POLDIP2: variants seen among roughly 807,000 people sequenced by gnomAD.
POLDIP2 encodes the protein polymerase delta-interacting protein 2.
A neutral mutation model predicts 52.9 loss-of-function variants in POLDIP2; 32 were observed. The ratio of observed to expected loss-of-function variants is 0.61; its 90% CI spans 0.46 to 0.81. POLDIP2 has a LOEUF of 0.81. Ranked by LOEUF, POLDIP2 falls within the 40% of genes least tolerant of loss-of-function variation. The pLI, the probability that POLDIP2 is intolerant of heterozygous loss-of-function variation, is 0.00. For synonymous variants in POLDIP2, 183 were observed against 183.0 expected (o/e 1.00, Z 0.00); for missense variants, 371 against 477.3 (o/e 0.78, Z 2.07).
chr17:28,357,495 C>G lies in POLDIP2; in HGVS notation c.-47G>C. On this transcript the variant is annotated 5_prime_UTR_variant, in exon 1 of 11. Transcript: ENST00000540200. The stretch of plus-strand genomic sequence containing the variant: ...GGCTGCTGACACAGAGCCCGACCCG[C>G]GGCCGGGCGGCGTTCCGCCCCAGTC... The G allele has an allele frequency of 7.0e-7, 1 of 1,432,210 alleles. No individual in the cohort carries two copies. The highest frequency in any genetic ancestry group is 1.5e-5 in the South Asian group (1 of 66,796). 88.7% of individuals were successfully genotyped at this position (1,432,210 alleles called of 1,614,324 possible). A position where few individuals can be genotyped will look rare whatever the true frequency, so the allele number is the denominator to read the frequency against.
rs1907755711 is a variant in POLDIP2, at chr17:28,350,521, C to T, written c.829G>A (p.Val277Ile). The change falls in exon 9 of 11, where the codon GTA becomes ATA. Residue 277 changes from valine (V) to isoleucine (I), a missense_variant. Physicochemically the swap from Val to Ile is conservative, Grantham distance 29. Coordinates refer to ENST00000540200, the MANE Select transcript of POLDIP2 (RefSeq NM_015584.5). ...CTCCAGTGCCGCTCCCGGAGCTGTA[C>T]CACATCACTGTCAAGGTTCTCCAAA... ...IRLENLDSDV[V>I]QLRERHWRIF... The T allele has an allele frequency of 6.2e-7, 1 of 1,613,680 alleles. No homozygotes were observed. The highest frequency in any genetic ancestry group is 8.5e-7 in the Non-Finnish European group (1 of 1,179,674).
At position 28,351,688 on chromosome 17, in the gene POLDIP2, G is replaced by A; in HGVS notation, c.735C>T (p.Val245=). Residue 245 remains valine, a synonymous_variant, in exon 7 of 11, where the codon GTC becomes GTT. Coordinates refer to ENST00000540200, the MANE Select transcript of POLDIP2 (RefSeq NM_015584.5). ...RETTENIRVT[V]IPFYMGMREA... is the part of the protein sequence containing the mutation. ...CCCTCATGCCCATGTAGAAGGGGAT[G>A]ACAGTGACACGTATGTTCTCAGTTG... 6.2e-7 allele frequency: 1 copy of A among 1,613,872 alleles called. No homozygotes were observed. Among genetic ancestry groups the A allele is most frequent in the Non-Finnish European group, 8.5e-7 (1 of 1,179,786 alleles).
chr17:28,347,938 T>G lies in POLDIP2; in HGVS notation c.*179A>C. 3 of 592,210 alleles carry G rather than the reference T, an allele frequency of 5.1e-6. No homozygotes were observed. 36.7% of individuals were successfully genotyped at this position (592,210 alleles called of 1,614,324 possible). On this transcript the variant is annotated 3_prime_UTR_variant, in exon 11 of 11. Transcript: ENST00000540200. ...CTTATGAGGAGGCCAGCCTTGGAGG[T>G]GTCCCACATGGGTCTTCTGAAGAAA...
chr17:28,352,827 C>T, intron 6 of POLDIP2, 85 bp downstream of exon 6: 3 of 820,468 alleles, frequency 3.7e-6, no homozygotes, highest in Non-Finnish European at 4.0e-6. Context: ...GCGTGAGCCA[C>T]CGTGCCCGGC....
intron 7 of POLDIP2, 33 bp downstream of exon 7, chr17:28,351,631 C>T (rs781968622): frequency 2.1e-5 from 33 of 1,609,358 alleles, no homozygotes; most frequent in Non-Finnish European, 2.6e-5. Flanking sequence ...TGGGGCCTAC[C>T]CCTGCTAGAA....
In POLDIP2 at chr17:28,357,301, G is replaced by A; in HGVS notation, c.148C>T (p.His50Tyr). 1 of 1,578,188 alleles carries A rather than the reference G, an allele frequency of 6.3e-7. No homozygotes were observed. Among genetic ancestry groups the A allele is most frequent in the South Asian group, 1.1e-5 (1 of 89,260 alleles). Reference sequence around the variant, plus strand: ...TCCGTCCCTCACCGGGACGAGAGGTGCCTCCGCGTCGTCGTGGTCGACGCT... The same window carrying A: ...TCCGTCCCTCACCGGGACGAGAGGTACCTCCGCGTCGTCGTGGTCGACGCT... Reference protein sequence around the residue: ...SPASTTTTRRHLSSRNRPEGK... With the variant: ...SPASTTTTRRYLSSRNRPEGK... The change falls in exon 1 of 11, where the codon CAC becomes TAC. Residue 50 changes from histidine to tyrosine, a missense_variant. Coordinates refer to ENST00000540200, the MANE Select transcript of POLDIP2 (RefSeq NM_015584.5).
At chr17:28,351,912 T>C in intron 6 of POLDIP2, 112 bp from the exon 7 acceptor site, 3 of 994,070 alleles carry the variant, frequency 3.0e-6, no homozygotes, top group Non-Finnish European at 4.7e-6. Flanking sequence ...CCCTCCCTAG[T>C]GGTGGCCCAG....
At position 28,354,515 on chromosome 17, in the gene POLDIP2, C is replaced by G. The variant is rs1173195692; in HGVS notation, c.314G>C (p.Arg105Pro). 1.9e-6 allele frequency: 3 copies of G among 1,559,406 alleles called. No individual in the cohort carries two copies. The highest frequency in any genetic ancestry group is 2.7e-5 in the African/African-American group (2 of 73,428). ...TTCTGGAGCTGCAGAAGCCACATCC[C>G]GGTCATACAGTCTGGCCTGCCAGGG... ...LFPWQARLYD[R>P]DVASAAPEKA... Residue 105 changes from arginine to proline, a missense_variant, in exon 3 of 11, where the codon CGG (arginine) becomes CCG (proline). Arg to Pro is a moderately radical substitution (Grantham distance 103, BLOSUM62 -2). Transcript: ENST00000540200.
intron 9 of POLDIP2, among the ~76,000 whole-genome samples, 166 bp from the exon 10 acceptor site, chr17:28,349,328 T>G (rs574821576): frequency 1.2e-5 from 1 of 83,714 alleles, no homozygotes; most frequent in Non-Finnish European, 2.3e-5. Context: ...CAGTACCTCC[T>G]CCCATAGATG....
At chr17:28,349,024 G>T in intron 10 of POLDIP2, 59 bp downstream of exon 10, 4 of 1,231,186 alleles carry the variant, frequency 3.2e-6, no homozygotes, top group South Asian at 2.6e-5. Context: ...TCACTTTTCT[G>T]ACCTACAGCT....
intron 8 of POLDIP2, 40 bp from the exon 9 acceptor site, chr17:28,350,603 A>T (rs879983959): frequency 7.5e-6 from 12 of 1,601,140 alleles, no homozygotes; most frequent in Non-Finnish European, 9.4e-6. Flanking sequence ...AAAAAATAAA[A>T]TTTGGGTAAC....
intron 7 of POLDIP2, 100 bp downstream of exon 7, chr17:28,351,564 A>G (rs1907795913): frequency 2.7e-6 from 3 of 1,130,334 alleles, no homozygotes; most frequent in Non-Finnish European, 3.9e-6. Context: ...CCACAGGGAC[A>G]TGGTTTATAT....
chr17:28,353,440 T>C lies in POLDIP2; in HGVS notation c.439-124A>G, dbSNP rs1357553409. The C allele has an allele frequency of 1.3e-5, 8 of 637,790 alleles. No homozygotes were observed. The African/African-American group carries it at 1.5e-4, about 12-fold the overall frequency. The allele number at this position is 637,790 out of a possible 1,614,324, so 39.5% of individuals were successfully genotyped here. On this transcript the variant is annotated intron_variant, in intron 4 of 10. Transcript: ENST00000540200. ...GGGTGGCTGAGGCAGGAGAATCACT[T>C]GAACCCGGGAGGCAGAGGTTGCAGT...
chr17:28,348,851 A>G (rs1347061492), intron 10 of POLDIP2, among the ~76,000 whole-genome samples: 2 of 152,242 alleles, frequency 1.3e-5, no homozygotes, highest in Non-Finnish European at 1.5e-5. Context: ...CTGCAGCATC[A>G]AATCACCAGA....
chr17:28,353,106 C>T, intron 5 of POLDIP2, 87 bp from the exon 6 acceptor site: 1 of 754,012 alleles, frequency 1.3e-6, no homozygotes, highest in Non-Finnish European at 2.4e-6. Flanking sequence ...GGCCTTGTTC[C>T]AGTATGGGAT....
At chr17:28,355,734 T>A in intron 2 of POLDIP2, 61 bp downstream of exon 2, 1 of 1,293,722 alleles carries the variant, frequency 7.7e-7, no homozygotes, top group Non-Finnish European at 1.1e-6. Context: ...TGACCTAATC[T>A]GACTTTTTTC....
intron 3 of POLDIP2, among the ~76,000 whole-genome samples, chr17:28,354,086 A>G (rs1293437922): frequency 6.6e-6 from 1 of 151,990 alleles, no homozygotes; most frequent in Non-Finnish European, 1.5e-5. Context: ...GGCCCAGAGT[A>G]CTCTTGTCTT....
At chr17:28,351,849 T>A in intron 6 of POLDIP2, 49 bp from the exon 7 acceptor site, 1 of 1,552,204 alleles carries the variant, frequency 6.4e-7, no homozygotes, top group Non-Finnish European at 8.9e-7. Flanking sequence ...GTGGATACAA[T>A]TGTATCTAGT....
At position 28,348,185 on chromosome 17, in the gene POLDIP2, G is replaced by A. The variant is rs1555579316; in HGVS notation, c.1039C>T (p.Arg347Trp). ...CTTTCCAGGGAGAAGGGAGGAATCC[G>A]AACATCAAAGTGGGAGCCATCAGGT... ...ERPDGSHFDV[R>W]IPPFSLESNK... is the part of the protein sequence containing the mutation. Residue 347 changes from arginine (R) to tryptophan (W), a missense_variant, in exon 11 of 11, where the codon CGG becomes TGG. Coordinates refer to ENST00000540200, the MANE Select transcript of POLDIP2 (RefSeq NM_015584.5). The A allele has an allele frequency of 4.3e-6, 7 of 1,613,728 alleles. No homozygotes were observed. Among genetic ancestry groups the A allele is most frequent in the South Asian group, 1.1e-5 (1 of 91,076 alleles).
Sources: allele counts gnomAD v4.1 joint callset (sites outside exome capture counted in the v4.1 genomes callset), GRCh38; gene constraint gnomAD v4.1.1; transcripts MANE v1.5; gene names NCBI Gene and HGNC (gene_info 2026-07-23, HGNC 2026-07-21).